TENM3: variants seen among roughly 807,000 people sequenced by gnomAD.
TENM3 encodes the protein teneurin transmembrane protein 3.
A neutral mutation model predicts 255.1 loss-of-function variants in TENM3; 63 were observed. The ratio of observed to expected loss-of-function variants is 0.25; its 90% CI spans 0.20 to 0.30. The LOEUF (loss-of-function observed/expected upper bound fraction) is 0.30, where lower values mean the gene tolerates loss of function less well. Among genes scored for constraint, TENM3 ranks in the 10% least tolerant of loss-of-function variants. TENM3 has a pLI of 1.00. For synonymous variants in TENM3, 1,306 were observed against 1,322.3 expected (o/e 0.99, Z 0.27); for missense variants, 2,929 against 3,461.1 (o/e 0.85, Z 3.86).
chr4:181,774,064 G>A, the TENM3 span, among the ~76,000 whole-genome samples: 970 of 88,096 alleles, frequency 0.011, 34 homozygotes, highest in African/African-American at 0.048. Flanking sequence ...TGTGCACATT[G>A]TGCAGGTTAG....
At position 182,743,950 on chromosome 4, in the gene TENM3, A is replaced by G. The variant is rs544537229; in HGVS notation, c.3629+531A>G. The stretch of plus-strand genomic sequence containing the variant: ...TTAAGTGTGACTTTCAAATCATTCT[A>G]TTCTGTAAGTTATTTGGTAAGCCCT... On this transcript the variant is annotated intron_variant, in intron 19 of 27. Transcript: ENST00000511685. Among the ~76,000 whole-genome samples, 105 of 152,266 alleles carry G rather than the reference A, an allele frequency of 6.9e-4. 2 individuals carry two copies. In the South Asian group the frequency reaches 0.021, roughly 31 times the overall value.
rs535325851 is a variant in TENM3 at position 182,672,544 on chromosome 4, T to C, written c.1112-461T>C. Among the ~76,000 whole-genome samples the C allele has an allele frequency of 2.0e-5, 3 of 152,330 alleles. No individual in the cohort carries two copies. The South Asian group carries it at 6.2e-4, about 32-fold the overall frequency. ...GATAGAACCACATGAATCCGAGCCA[T>C]CAGTTGGTTTTATTGTTTGCTTAAG... On this transcript the variant is annotated intron_variant, in intron 6 of 27. Transcript: ENST00000511685.
chr4:182,510,144 A>G (rs1358841827), intron 3 of TENM3, among the ~76,000 whole-genome samples: 1 of 152,130 alleles, frequency 6.6e-6, no homozygotes, highest in Non-Finnish European at 1.5e-5. Context: ...TACTGCTACC[A>G]CCATAGTTCA....
intron 2 of TENM3, among the ~76,000 whole-genome samples, chr4:182,343,516 C>T (rs1764610202): frequency 6.6e-6 from 1 of 152,156 alleles, no homozygotes; most frequent in South Asian, 2.1e-4. Flanking sequence ...GCTGACTTTA[C>T]ATAGGATTGT....
At chr4:181,831,053 A>C in the TENM3 span, among the ~76,000 whole-genome samples, 1 of 152,260 alleles carries the variant, frequency 6.6e-6, no homozygotes, top group South Asian at 2.1e-4. Flanking sequence ...ACCCCCAAAA[A>C]ACTGGTTTTT....
At chr4:182,628,574 G>T in intron 4 of TENM3, 77 bp from the exon 5 acceptor site, 1 of 910,040 alleles carries the variant, frequency 1.1e-6, no homozygotes, top group Non-Finnish European at 1.7e-6. Flanking sequence ...AGACAGGAGA[G>T]CTAAATGCAT....
chr4:182,232,715 A>G (rs1027626748), intron 1 of TENM3, among the ~76,000 whole-genome samples: 2 of 152,048 alleles, frequency 1.3e-5, no homozygotes, highest in African/African-American at 4.8e-5. Flanking sequence ...ACATATATAC[A>G]TGAATTCCCC....
chr4:182,399,698 A>G (rs1174694077), intron 3 of TENM3, among the ~76,000 whole-genome samples: 1 of 152,194 alleles, frequency 6.6e-6, no homozygotes, highest in African/African-American at 2.4e-5. Context: ...TACAACCTTC[A>G]TGGAAGATGA....
chr4:182,145,803 A>G (rs1267509198), intron 1 of TENM3, among the ~76,000 whole-genome samples: 1 of 152,188 alleles, frequency 6.6e-6, no homozygotes, highest in Non-Finnish European at 1.5e-5. Context: ...TCTCTTCATC[A>G]TGCTCTATTT....
chr4:181,658,117 C>A, the TENM3 span, among the ~76,000 whole-genome samples: 1 of 152,108 alleles, frequency 6.6e-6, no homozygotes, highest in Non-Finnish European at 1.5e-5. Flanking sequence ...TATAACAAAC[C>A]TGCACATGTA....
the TENM3 span, among the ~76,000 whole-genome samples, chr4:181,520,258 C>T: frequency 6.6e-6 from 1 of 152,186 alleles, no homozygotes; most frequent in Non-Finnish European, 1.5e-5. Context: ...ACAGTAGCAT[C>T]CTGCACCGTG....
intron 13 of TENM3, among the ~76,000 whole-genome samples, chr4:182,721,514 G>T (rs1217510394): frequency 6.6e-6 from 1 of 151,994 alleles, no homozygotes; most frequent in Non-Finnish European, 1.5e-5. Flanking sequence ...CCTTAGTATA[G>T]AGACAAATCT....
chr4:181,949,460 A>G, the TENM3 span, among the ~76,000 whole-genome samples: 3 of 152,176 alleles, frequency 2.0e-5, no homozygotes, highest in Non-Finnish European at 4.4e-5. Flanking sequence ...CACATAGCAC[A>G]TTTCCAATCC....
the TENM3 span, among the ~76,000 whole-genome samples, chr4:181,496,121 T>A: frequency 6.6e-6 from 1 of 152,182 alleles, no homozygotes; most frequent in East Asian, 1.9e-4. Flanking sequence ...TTGTGATCAC[T>A]TAGAGCTGTC....
At chr4:181,757,192 A>T in the TENM3 span, among the ~76,000 whole-genome samples, 1 of 152,230 alleles carries the variant, frequency 6.6e-6, no homozygotes, top group Admixed American at 6.5e-5. Flanking sequence ...ACAGGTTTTT[A>T]TTAGAAGCCA....
At chr4:182,635,656 T>A (rs1751781028) in intron 5 of TENM3, among the ~76,000 whole-genome samples, 1 of 152,220 alleles carries the variant, frequency 6.6e-6, no homozygotes, top group Non-Finnish European at 1.5e-5. Context: ...GTTATTTATT[T>A]CCTTTGAACA....
intron 3 of TENM3, among the ~76,000 whole-genome samples, chr4:182,357,406 C>T (rs74988083): frequency 0.17 from 25,472 of 152,064 alleles, 2,326 homozygotes; most frequent in Non-Finnish European, 0.19. Flanking sequence ...TAATGATTGC[C>T]ATTCTAACTG....
intron 18 of TENM3, among the ~76,000 whole-genome samples, chr4:182,741,531 G>T (rs1358500655): frequency 1.3e-5 from 2 of 152,342 alleles, no homozygotes; most frequent in South Asian, 2.1e-4. Flanking sequence ...GAATAAATCA[G>T]ATGTTGTAGA....
chr4:182,726,699 G>A lies in TENM3; in HGVS notation c.2369-2266G>A, dbSNP rs139939681. Among the ~76,000 whole-genome samples, 396 of 152,308 alleles carry A rather than the reference G, an allele frequency of 2.6e-3. 2 individuals are homozygous for A. The highest frequency in any genetic ancestry group is 8.8e-3 in the African/African-American group (367 of 41,556). Reference sequence around the variant, plus strand: ...TTGCCCAAAGAAAGGGAAAGGGTCTGGGGAAGCACAGCGTCCGCTACTTTT... The same window carrying A: ...TTGCCCAAAGAAAGGGAAAGGGTCTAGGGAAGCACAGCGTCCGCTACTTTT... On this transcript the variant is annotated intron_variant, in intron 13 of 27. Transcript: ENST00000511685.
Sources: gnomAD v4.1 joint callset for allele counts (sites outside exome capture counted in the v4.1 genomes callset) on GRCh38, gnomAD v4.1.1 for gene constraint, MANE v1.5 for transcripts, NCBI Gene and HGNC (gene_info 2026-07-23, HGNC 2026-07-21) for gene names.